The following PIGZ variants were observed in gnomAD, a reference collection of about 807,000 sequenced individuals.
The protein encoded by PIGZ is phosphatidylinositol glycan anchor biosynthesis class Z (Gwada blood group), also known as GPI alpha-1,2-mannosyltransferase 4.
A neutral mutation model predicts 16.4 loss-of-function variants in PIGZ; 16 were observed. The ratio of observed to expected loss-of-function variants is 0.97; its 90% CI spans 0.66 to 1.48. The LOEUF (loss-of-function observed/expected upper bound fraction) is 1.48, where lower values mean the gene tolerates loss of function less well. Ranked by LOEUF, PIGZ falls within the 40% of genes most tolerant of loss-of-function variation. The probability of loss-of-function intolerance (pLI) is 0.00; values close to 1 mark genes in which losing one functional copy is unlikely to be tolerated. For synonymous variants in PIGZ, 409 were observed against 338.4 expected (o/e 1.21, Z -2.29); for missense variants, 770 against 739.2 (o/e 1.04, Z -0.48).
At position 196,947,925 on chromosome 3, in the gene PIGZ, C is replaced by T; in HGVS notation, c.972G>A (p.Leu324=). 1 of 1,613,866 alleles carries T rather than the reference C, an allele frequency of 6.2e-7. No homozygotes were observed. Among genetic ancestry groups the T allele is most frequent in the Non-Finnish European group, 8.5e-7 (1 of 1,179,922 alleles). ...CCTGGGCATGCAGCACCCCGAAGAGCAGGAAGCCGTTGACTGCCAGGTGAG... is the reference window on the plus strand; with the variant it reads ...CCTGGGCATGCAGCACCCCGAAGAGTAGGAAGCCGTTGACTGCCAGGTGAG... ...RLTHLAVNGF[L]LFGVLHAQAL... Residue 324 remains leucine (L), a synonymous_variant, in exon 3 of 3, where the codon CTG becomes CTA. Coordinates refer to ENST00000412723, the MANE Select transcript of PIGZ (RefSeq NM_025163.4).
chr3:196,947,124 TGA>T lies in PIGZ; in HGVS notation c.*31_*32del. 1 of 1,511,686 alleles carries T rather than the reference TGA, an allele frequency of 6.6e-7. No homozygotes were observed. The highest frequency in any genetic ancestry group is 2.2e-5 in the Admixed American group (1 of 45,654). The allele number at this position is 1,511,686 out of a possible 1,614,324, so 93.6% of individuals were successfully genotyped here. On this transcript the variant is annotated 3_prime_UTR_variant, in exon 3 of 3. Transcript: ENST00000412723. ...AAGGTGGGGCGGCATCTTCTATGGCTGAGTCTTGGGCAGTGGGTGCTCTGTCA... is the reference window on the plus strand; with the variant it reads ...AAGGTGGGGCGGCATCTTCTATGGCTGTCTTGGGCAGTGGGTGCTCTGTCA...
At chr3:196,956,335 A>G (rs1424550769) in intron 1 of PIGZ, among the ~76,000 whole-genome samples, 1 of 152,238 alleles carries the variant, frequency 6.6e-6, no homozygotes, top group East Asian at 1.9e-4. Context: ...TGGAAGGCAA[A>G]GGCACGTCTT....
Position 196,947,430 on chromosome 3 carries a change from C to G in PIGZ, c.1467G>C (p.Gly489=), listed in dbSNP as rs200103570. 6.8e-6 allele frequency: 11 copies of G among 1,613,414 alleles called. No individual in the cohort carries two copies. Among genetic ancestry groups the G allele is most frequent in the Non-Finnish European group, 7.6e-6 (9 of 1,179,826 alleles). The change falls in exon 3 of 3, where the codon GGG becomes GGC. Residue 489 remains glycine (G), a synonymous_variant. Transcript: ENST00000412723. ...TTTGGCACAGGGCCCAGTCCTCAGT[C>G]CCCCCCATGTCCACCACCTCCACTG... The part of the protein sequence containing the change: ...GAPVEVVDMG[G]TEDWALCQTL...
chr3:196,952,437 TTTTG>T (rs555515860), intron 1 of PIGZ, among the ~76,000 whole-genome samples: 7 of 152,124 alleles, frequency 4.6e-5, no homozygotes, highest in Non-Finnish European at 8.8e-5. Context: ...GTTGTGGTTT[TTTTG>T]TTTGTTTGTT....
At chr3:196,964,977 C>T (rs1014033766) in intron 1 of PIGZ, among the ~76,000 whole-genome samples, 1 of 152,146 alleles carries the variant, frequency 6.6e-6, no homozygotes, top group Non-Finnish European at 1.5e-5. Context: ...ACTCCACTGC[C>T]CTGCTCCACT....
At chr3:196,955,828 C>T (rs549089016) in intron 1 of PIGZ, among the ~76,000 whole-genome samples, 252 of 152,152 alleles carry the variant, frequency 1.7e-3, no homozygotes, top group Non-Finnish European at 3.0e-3. Context: ...ATCTGCCCAC[C>T]TCAGCCTCCC....
chr3:196,949,733 C>T (rs927243673), intron 2 of PIGZ, among the ~76,000 whole-genome samples: 4 of 152,036 alleles, frequency 2.6e-5, no homozygotes, highest in Non-Finnish European at 4.4e-5. Context: ...GGGGCTTCCC[C>T]GGGAGATGAG....
Position 196,947,765 on chromosome 3 carries a change from G to T in PIGZ, c.1132C>A (p.Leu378Met). ...SYLLLLYFMPLALLSAFSHQE... is the reference protein window; with the variant it reads ...SYLLLLYFMPMALLSAFSHQE... ...TGGCTAAAGGCAGATAGCAGGGCCA[G>T]AGGCATGAAGTAGAGGAGAAGGAGA... is the stretch of plus-strand genomic sequence containing the variant. Residue 378 changes from leucine (L) to methionine (M), a missense_variant, in exon 3 of 3, where the codon CTG becomes ATG. Coordinates refer to ENST00000412723, the MANE Select transcript of PIGZ (RefSeq NM_025163.4). 6.2e-7 allele frequency: 1 copy of T among 1,611,446 alleles called. No homozygotes were observed. The highest frequency in any genetic ancestry group is 8.5e-7 in the Non-Finnish European group (1 of 1,178,748).
At chr3:196,960,593 TG>T (rs909350643) in intron 1 of PIGZ, among the ~76,000 whole-genome samples, 5 of 151,404 alleles carry the variant, frequency 3.3e-5, no homozygotes, top group Non-Finnish European at 5.9e-5. Context: ...TGCTTGAACC[TG>T]GGAGACAGAG....
chr3:196,947,341 A>C lies in PIGZ; in HGVS notation c.1556T>G (p.Leu519Arg). 1 of 1,614,208 alleles carries C rather than the reference A, an allele frequency of 6.2e-7. No homozygotes were observed. The highest frequency in any genetic ancestry group is 8.5e-7 in the Non-Finnish European group (1 of 1,180,038). ...GGTGGTGCCAGGGGTTACCACAAAG[A>C]GGCGGCAGAGCCATGGCCCACCAGC... ...QVAGGPWLCR[L>R]FVVTPGTTRR... is the part of the protein sequence containing the mutation. Residue 519 changes from leucine to arginine, a missense_variant, in exon 3 of 3, where the codon CTC (leucine) becomes CGC (arginine). Coordinates refer to ENST00000412723, the MANE Select transcript of PIGZ (RefSeq NM_025163.4).
chr3:196,949,975 T>G (rs1323504304), intron 2 of PIGZ, among the ~76,000 whole-genome samples: 1 of 152,050 alleles, frequency 6.6e-6, no homozygotes. Flanking sequence ...ATGTTAGTTT[T>G]GTTTACAATA....
Position 196,948,409 on chromosome 3 carries a change from G to C in PIGZ, c.488C>G (p.Ser163Cys), listed in dbSNP as rs752266694. ...ADRWNALALL[S>C]GSYVTLVFYT... ...GAAGACCAGGGTGACGTAGGAACCA[G>C]ACAGCAGGGCCAGGGCGTTCCAGCG... Residue 163 changes from serine to cysteine, a missense_variant, in exon 3 of 3, where the codon TCT (serine) becomes TGT (cysteine). Coordinates refer to ENST00000412723, the MANE Select transcript of PIGZ (RefSeq NM_025163.4). 6.2e-7 allele frequency: 1 copy of C among 1,614,162 alleles called. No homozygotes were observed. Among genetic ancestry groups the C allele is most frequent in the South Asian group, 1.1e-5 (1 of 91,082 alleles).
At chr3:196,954,926 A>C (rs904886238) in intron 1 of PIGZ, among the ~76,000 whole-genome samples, 1 of 151,892 alleles carries the variant, frequency 6.6e-6, no homozygotes, top group Non-Finnish European at 1.5e-5. Context: ...TGTGTTGTTG[A>C]AATCTTTTTT....
chr3:196,965,377 C>T lies in PIGZ; in HGVS notation c.-1+3310G>A, dbSNP rs557224824. Among the ~76,000 whole-genome samples, 1 of 152,280 alleles carries T rather than the reference C, an allele frequency of 6.6e-6. No individual in the cohort carries two copies. Among genetic ancestry groups the T allele is most frequent in the South Asian group, 2.1e-4 (1 of 4,824 alleles). On this transcript the variant is annotated intron_variant, in intron 1 of 2. Transcript: ENST00000412723. The surrounding 1 kb of genome is among the most constrained non-coding windows in gnomAD (Gnocchi z 4.2). ...GAGAACTCCCTAACTATCCGAAGAA[C>T]AGCGTGGGGGAAACCACCCCATGAT...
At chr3:196,949,131 G>A (rs1220302566) in intron 2 of PIGZ, among the ~76,000 whole-genome samples, 1 of 148,672 alleles carries the variant, frequency 6.7e-6, no homozygotes, top group African/African-American at 2.5e-5. Flanking sequence ...CTCTCGCTAT[G>A]TTACTCAGGC....
At position 196,948,902 on chromosome 3, in the gene PIGZ, TCCCCTCCCCTCCCTTC is replaced by T. The variant is rs1560180871; in HGVS notation, c.212-233_212-218del. ...TTCCCTTCCTTCCCCTTCCTTCCCT[TCCCCTCCCCTCCCTTC>T]CCTTCCTTCCCTTTACTTCCCTTCC... On this transcript the variant is annotated intron_variant, in intron 2 of 2. Transcript: ENST00000412723. 2.2e-4 allele frequency among the ~76,000 whole-genome samples: 9 copies of T among 41,118 alleles called. 1 individual carries two copies. The highest frequency in any genetic ancestry group is 4.7e-4 in the African/African-American group (4 of 8,586). 27.0% of individuals were successfully genotyped at this position (41,118 alleles called of 152,430 possible). A position where few individuals can be genotyped will look rare whatever the true frequency, so the allele number is the denominator to read the frequency against.
intron 1 of PIGZ, among the ~76,000 whole-genome samples, chr3:196,964,871 T>A (rs1219707777): frequency 1.3e-5 from 2 of 152,134 alleles, no homozygotes; most frequent in African/African-American, 2.4e-5. Context: ...ATGAACCTAT[T>A]CTTATCCCTG....
At chr3:196,964,006 A>G (rs1717819933) in intron 1 of PIGZ, among the ~76,000 whole-genome samples, 1 of 152,024 alleles carries the variant, frequency 6.6e-6, no homozygotes, top group South Asian at 2.1e-4. Flanking sequence ...CAATAATAAT[A>G]GCACTACCTT....
chr3:196,963,540 GA>G (rs1717803859), intron 1 of PIGZ, among the ~76,000 whole-genome samples: 1 of 152,208 alleles, frequency 6.6e-6, no homozygotes, highest in Non-Finnish European at 1.5e-5. Flanking sequence ...TAAGATCAAG[GA>G]AATCTTTTCC....
Sources: gnomAD v4.1 joint callset for allele counts (sites outside exome capture counted in the v4.1 genomes callset) on GRCh38, gnomAD v4.1.1 for gene constraint, Gnocchi (gnomAD v3.1) non-coding constraint, MANE v1.5 for transcripts, NCBI Gene and HGNC (gene_info 2026-07-23, HGNC 2026-07-21) for gene names.